Variants in CRY1 observed in about 807,000 individuals in gnomAD.
The protein encoded by CRY1 is cryptochrome-1.
Under a neutral mutation model 76.0 loss-of-function variants are expected in CRY1, and 45 were observed. The ratio of observed to expected loss-of-function variants is 0.59; its 90% CI spans 0.47 to 0.76. CRY1 has a LOEUF of 0.76. Ranked by LOEUF, CRY1 falls within the 30% of genes least tolerant of loss-of-function variation. CRY1 has a pLI of 0.00. For synonymous variants in CRY1, 248 were observed against 244.0 expected, an observed-to-expected ratio of 1.02 and a Z score of -0.15; for missense variants, 587 against 716.4, an observed-to-expected ratio of 0.82 and a Z score of 2.06.
chr12:106,992,783 T>C lies in CRY1; in HGVS notation c.*4A>G, dbSNP rs761105164. 1.1e-5 allele frequency: 17 copies of C among 1,607,516 alleles called. No individual in the cohort carries two copies. Among genetic ancestry groups the C allele is most frequent in the Non-Finnish European group, 1.3e-5 (15 of 1,174,148 alleles). ...AGCAAGAAATACAGCTCTAAAATAT[T>C]TACCTAATTAGTGCTCTGTCTCTGG... On this transcript the variant is annotated splice_donor_region_variant and intron_variant, in intron 12 of 12. Coordinates refer to ENST00000008527, the MANE Select transcript of CRY1 (RefSeq NM_004075.5).
intron 1 of CRY1, among the ~76,000 whole-genome samples, chr12:107,069,618 TATATATATATAAAGTATATATATAA>T (rs1953159269): frequency 9.9e-5 from 8 of 80,962 alleles, no homozygotes; most frequent in East Asian, 4.9e-4. Context: ...ATATAAAAAG[TATATATATATAAAGTATATATATAA>T]AAAGTATATA....
At chr12:107,034,424 T>C (rs1198276366) in intron 1 of CRY1, among the ~76,000 whole-genome samples, 1 of 152,156 alleles carries the variant, frequency 6.6e-6, no homozygotes, top group Non-Finnish European at 1.5e-5. Context: ...AAACCCATGA[T>C]GCTGCTCTGT....
intron 1 of CRY1, among the ~76,000 whole-genome samples, chr12:107,073,393 C>T (rs1357095215): frequency 6.6e-6 from 1 of 152,020 alleles, no homozygotes; most frequent in Non-Finnish European, 1.5e-5. Context: ...GCCACTGTGC[C>T]TGGCCTAAAA....
Position 107,013,990 on chromosome 12 carries a change from T to G in CRY1, c.267+8094A>C, listed in dbSNP as rs1246219905. Among the ~76,000 whole-genome samples, 3 of 152,276 alleles carry G rather than the reference T, an allele frequency of 2.0e-5. 1 individual carries two copies. The South Asian group carries it at 6.2e-4, about 32-fold the overall frequency. ...GGTACTGCTCTAAGGTGTTCAAAAG[T>G]ACCAATTGCAGAAAGCAGCTGCCAC... On this transcript the variant is annotated intron_variant, in intron 2 of 12. Coordinates refer to ENST00000008527, the MANE Select transcript of CRY1 (RefSeq NM_004075.5).
At chr12:107,001,059 G>A (rs1052482067) in intron 5 of CRY1, among the ~76,000 whole-genome samples, 3 of 152,160 alleles carry the variant, frequency 2.0e-5, no homozygotes, top group Middle Eastern at 3.4e-3. Context: ...GAGGTAGTGC[G>A]GTAGTAGCTA....
chr12:107,003,807 ATT>A (rs200134178), intron 3 of CRY1, among the ~76,000 whole-genome samples: 62 of 138,974 alleles, frequency 4.5e-4, no homozygotes, highest in East Asian at 2.3e-3. Context: ...TAAACACTTG[ATT>A]TTTTTTTTTT....
At chr12:107,084,081 C>G (rs767480965) in intron 1 of CRY1, among the ~76,000 whole-genome samples, 15 of 152,054 alleles carry the variant, frequency 9.9e-5, no homozygotes, top group African/African-American at 2.4e-4. Context: ...CCATTCACAA[C>G]TGCTACAAAG....
intron 7 of CRY1, among the ~76,000 whole-genome samples, chr12:106,998,758 A>C (rs767273901): frequency 6.6e-6 from 1 of 151,656 alleles, no homozygotes; most frequent in Non-Finnish European, 1.5e-5. Context: ...AAATGTACGT[A>C]ATGGCCGGGC....
intron 1 of CRY1, among the ~76,000 whole-genome samples, chr12:107,090,456 C>T (rs940747617): frequency 6.6e-6 from 1 of 152,208 alleles, no homozygotes; most frequent in Non-Finnish European, 1.5e-5. Flanking sequence ...GGCTCCTTCG[C>T]AGTCTCATAT....
intron 1 of CRY1, among the ~76,000 whole-genome samples, chr12:107,064,061 T>G (rs1369926141): frequency 2.0e-5 from 3 of 152,094 alleles, no homozygotes; most frequent in Non-Finnish European, 4.4e-5. Flanking sequence ...CTGAATGGAT[T>G]GACTCAAAAA....
chr12:107,065,596 A>G (rs149875233), intron 1 of CRY1, among the ~76,000 whole-genome samples: 20 of 149,592 alleles, frequency 1.3e-4, no homozygotes, highest in African/African-American at 4.6e-4. Context: ...ACTCTGTTTC[A>G]AAAAAAAAAG....
chr12:107,008,641 T>C (rs1952400959), intron 2 of CRY1, among the ~76,000 whole-genome samples: 1 of 152,350 alleles, frequency 6.6e-6, no homozygotes, highest in Non-Finnish European at 1.5e-5. Context: ...TGTTTTTTTG[T>C]AGACTTCCTT....
At chr12:107,025,154 G>A (rs963377022) in intron 1 of CRY1, among the ~76,000 whole-genome samples, 2 of 152,222 alleles carry the variant, frequency 1.3e-5, no homozygotes, top group Non-Finnish European at 2.9e-5. Flanking sequence ...CCGTTAGGGA[G>A]TGGGGGTTTG....
At chr12:107,003,999 G>T (rs1952342421) in intron 3 of CRY1, among the ~76,000 whole-genome samples, 1 of 152,002 alleles carries the variant, frequency 6.6e-6, no homozygotes, top group Admixed American at 6.6e-5. Context: ...AGAGATGAGG[G>T]TTTCACCATT....
At position 107,001,867 on chromosome 12, in the gene CRY1, C is replaced by T. The variant is rs749160430; in HGVS notation, c.492G>A (p.Glu164=). ...CTGAAGTAATTGTCTCTACTGGTAT[C>T]TCTAGTGGTTCCATTTTGCTGATGA... ...QTLISKMEPL[E]IPVETITSEV... Residue 164 remains glutamate, a synonymous_variant, in exon 4 of 13, where the codon GAG becomes GAA. Coordinates refer to ENST00000008527, the MANE Select transcript of CRY1 (RefSeq NM_004075.5). The T allele has an allele frequency of 5.6e-6, 9 of 1,600,330 alleles. No individual in the cohort carries two copies. The highest frequency in any genetic ancestry group is 7.6e-6 in the Non-Finnish European group (9 of 1,176,882).
In CRY1 at chr12:107,047,764, A is replaced by C. The variant is rs141334324; in HGVS notation, c.159-25572T>G. Among the ~76,000 whole-genome samples, 304 of 152,300 alleles carry C rather than the reference A, an allele frequency of 2.0e-3. 3 individuals carry two copies. Among genetic ancestry groups the C allele is most frequent in the African/African-American group, 7.0e-3 (290 of 41,564 alleles). On this transcript the variant is annotated intron_variant, in intron 1 of 12. Transcript: ENST00000008527. ...ATTACCCAGTCTCAGGTATTTCTTC[A>C]CAGCGGTATAAGAACAGACTAATAC...
intron 1 of CRY1, among the ~76,000 whole-genome samples, chr12:107,063,987 G>T (rs1293588212): frequency 6.6e-6 from 1 of 152,026 alleles, no homozygotes; most frequent in African/African-American, 2.4e-5. Context: ...CGCCACCCTG[G>T]ATATTACTTC....
intron 1 of CRY1, among the ~76,000 whole-genome samples, chr12:107,064,390 A>C (rs1242527646): frequency 6.6e-6 from 1 of 152,224 alleles, no homozygotes; most frequent in Non-Finnish European, 1.5e-5. Context: ...TAAAACCACA[A>C]TGAGATGCCG....
At position 107,070,905 on chromosome 12, in the gene CRY1, C is replaced by T. The variant is rs1247109761; in HGVS notation, c.158+21899G>A. Among the ~76,000 whole-genome samples the T allele has an allele frequency of 2.0e-5, 3 of 149,616 alleles. 1 individual carries two copies. Among genetic ancestry groups the T allele is most frequent in the South Asian group, 4.2e-4 (2 of 4,766 alleles). On this transcript the variant is annotated intron_variant, in intron 1 of 12. Transcript: ENST00000008527. ...TTTTTTAGTAGAGACAGGGTTTCACCGTGCTAACCAGGATGATCTCGATCT... is the reference window on the plus strand; with the variant it reads ...TTTTTTAGTAGAGACAGGGTTTCACTGTGCTAACCAGGATGATCTCGATCT...
Sources: allele counts gnomAD v4.1 joint callset (sites outside exome capture counted in the v4.1 genomes callset), GRCh38; gene constraint gnomAD v4.1.1; transcripts MANE v1.5; gene names NCBI Gene and HGNC (gene_info 2026-07-23, HGNC 2026-07-21).